The following KMT2C variants were observed in gnomAD, a reference collection of about 807,000 sequenced individuals.
KMT2C encodes lysine methyltransferase 2C, also known as histone-lysine N-methyltransferase 2C.
A neutral mutation model predicts 507.9 loss-of-function variants in KMT2C; 88 were observed. The ratio of observed to expected loss-of-function variants is 0.17; its 90% CI spans 0.15 to 0.21. The LOEUF is 0.21. Ranked by LOEUF, KMT2C falls within the 10% of genes least tolerant of loss-of-function variation. The probability of loss-of-function intolerance (pLI) is 1.00; values close to 1 mark genes in which losing one functional copy is unlikely to be tolerated. For missense variants in KMT2C, 4,954 were observed against 5,957.8 expected (o/e 0.83, Z 5.55); for synonymous variants, 2,049 against 2,080.8 (o/e 0.98, Z 0.42).
intron 53 of KMT2C, among the ~76,000 whole-genome samples, chr7:152,145,711 A>G (rs2091040236): frequency 6.6e-6 from 1 of 152,220 alleles, no homozygotes; most frequent in African/African-American, 2.4e-5. Flanking sequence ...TACAATTAAA[A>G]ACAGTTAAAA....
intron 23 of KMT2C, among the ~76,000 whole-genome samples, chr7:152,211,503 G>C (rs1019391205): frequency 2.6e-5 from 4 of 152,178 alleles, no homozygotes; most frequent in African/African-American, 9.7e-5. Context: ...ATGGTTTGTG[G>C]CCAAGGATAA....
At chr7:152,430,612 C>T (rs938117413) in intron 1 of KMT2C, among the ~76,000 whole-genome samples, 7 of 152,198 alleles carry the variant, frequency 4.6e-5, no homozygotes, top group African/African-American at 1.7e-4. Context: ...TCACTGCAGC[C>T]TCAACCTCCA....
At chr7:152,239,457 G>C (rs1477961161) in intron 14 of KMT2C, among the ~76,000 whole-genome samples, 1 of 152,102 alleles carries the variant, frequency 6.6e-6, no homozygotes, top group Non-Finnish European at 1.5e-5. Context: ...TTTTACTTAG[G>C]GAAATGAATA....
At chr7:152,265,268 A>C (rs1487679471) in intron 7 of KMT2C, 59 bp from the exon 8 acceptor site, 1 of 1,593,966 alleles carries the variant, frequency 6.3e-7, no homozygotes, top group Non-Finnish European at 8.6e-7. Flanking sequence ...TTTTCTGACT[A>C]TACAGTAAAA....
intron 6 of KMT2C, among the ~76,000 whole-genome samples, chr7:152,305,202 GAAC>G (rs1285587955): frequency 3.9e-5 from 6 of 152,136 alleles, no homozygotes; most frequent in African/African-American, 1.4e-4. Context: ...AGAGGGAGAT[GAAC>G]AATAAGTAAG....
chr7:152,409,313 C>G (rs529151517), intron 1 of KMT2C, among the ~76,000 whole-genome samples: 42 of 152,000 alleles, frequency 2.8e-4, no homozygotes, highest in African/African-American at 1.0e-3. Flanking sequence ...CACCTTAAAA[C>G]AAGTTCTTTG....
chr7:152,365,133 A>G (rs1343458970), intron 1 of KMT2C, among the ~76,000 whole-genome samples: 2 of 152,240 alleles, frequency 1.3e-5, no homozygotes, highest in Non-Finnish European at 1.5e-5. Context: ...AGTAAAAAAC[A>G]TATTTAAAGT....
At chr7:152,399,023 T>A (rs1370705702) in intron 1 of KMT2C, among the ~76,000 whole-genome samples, 3 of 148,252 alleles carry the variant, frequency 2.0e-5, no homozygotes, top group Non-Finnish European at 3.0e-5. Context: ...GGGGTAGGGT[T>A]TCACCATGTT....
intron 26 of KMT2C, among the ~76,000 whole-genome samples, chr7:152,202,165 A>G (rs2094163668): frequency 1.3e-5 from 2 of 152,262 alleles, no homozygotes; most frequent in East Asian, 3.8e-4. Context: ...AGTTGTCTAC[A>G]ATGAAATGAG....
In KMT2C at chr7:152,228,850, T is replaced by C. The variant is rs192279081; in HGVS notation, c.2976+1073A>G. 1.1e-4 allele frequency among the ~76,000 whole-genome samples: 16 copies of C among 152,336 alleles called. 1 individual carries two copies. The highest frequency in any genetic ancestry group is 5.9e-4 in the Admixed American group (9 of 15,306). ...AATTGGCTTTATATACTCTGTGTTT[T>C]TCAGTCACATACCATGAGCAACTAA... is the stretch of plus-strand genomic sequence containing the variant. On this transcript the variant is annotated intron_variant, in intron 18 of 58. Transcript: ENST00000262189.
At position 152,174,231 on chromosome 7, in the gene KMT2C, T is replaced by G. The variant is rs1237156948; in HGVS notation, c.9274A>C (p.Ile3092Leu). 10 of 1,554,126 alleles carry G rather than the reference T, an allele frequency of 6.4e-6. No individual in the cohort carries two copies. The highest frequency in any genetic ancestry group is 8.8e-6 in the Non-Finnish European group (10 of 1,131,522). ...TTGGCTTTCATTATAGGATCTGTAA[T>G]TGCATCAAAATCTAGAAAAGAAATA... is the stretch of plus-strand genomic sequence containing the variant. Reference protein sequence around the residue: ...PFFPNIDFDAITDPIMKAKMV... With the variant: ...PFFPNIDFDALTDPIMKAKMV... The change falls in exon 39 of 59, where the codon ATT (isoleucine) becomes CTT (leucine). Residue 3092 changes from isoleucine to leucine, a missense_variant. Ile to Leu is a conservative substitution (Grantham distance 5, BLOSUM62 2). Coordinates refer to ENST00000262189, the MANE Select transcript of KMT2C (RefSeq NM_170606.3).
chr7:152,178,721 G>A lies in KMT2C; in HGVS notation c.7443-711C>T, dbSNP rs1461269511. On this transcript the variant is annotated intron_variant, in intron 37 of 58. Transcript: ENST00000262189. ...ACACAAAATATAAAATGCAGAAAGA[G>A]GCATAAATTACAACTAAGGTAGAAG... Among the ~76,000 whole-genome samples the A allele has an allele frequency of 2.0e-5, 3 of 151,960 alleles. No homozygotes were observed. The East Asian group carries it at 5.8e-4, about 29-fold the overall frequency.
chr7:152,139,836 T>C (rs767938406), intron 55 of KMT2C, 45 bp from the exon 56 acceptor site: 3 of 1,386,688 alleles, frequency 2.2e-6, no homozygotes, highest in Non-Finnish European at 3.1e-6. Flanking sequence ...TGACAACAAG[T>C]CTTTTTTCTG....
At chr7:152,269,726 G>A (rs2095925320) in intron 7 of KMT2C, among the ~76,000 whole-genome samples, 1 of 152,150 alleles carries the variant, frequency 6.6e-6, no homozygotes, top group Admixed American at 6.5e-5. Flanking sequence ...ATGAGTATTT[G>A]AGTATACACA....
Position 152,222,658 on chromosome 7 carries a change from G to A in KMT2C, c.3348C>T (p.Asn1116=), listed in dbSNP as rs2094811048. ...CDRWMHAVCQ[N]LNTEEEVENV... Reference sequence around the variant, plus strand: ...TTTCCACTTCTTCCTCAGTATTTAAGTTCTGACAAACTGCATGCATCCATC... The same window carrying A: ...TTTCCACTTCTTCCTCAGTATTTAAATTCTGACAAACTGCATGCATCCATC... Residue 1116 remains asparagine (N), a synonymous_variant, in exon 21 of 59, where the codon AAC becomes AAT. Coordinates refer to ENST00000262189, the MANE Select transcript of KMT2C (RefSeq NM_170606.3). 3 of 1,608,086 alleles carry A rather than the reference G, an allele frequency of 1.9e-6. No individual in the cohort carries two copies. Among genetic ancestry groups the A allele is most frequent in the South Asian group, 1.1e-5 (1 of 90,888 alleles).
At chr7:152,340,378 C>T (rs946311307) in intron 2 of KMT2C, among the ~76,000 whole-genome samples, 8 of 152,068 alleles carry the variant, frequency 5.3e-5, no homozygotes, top group African/African-American at 1.9e-4. Flanking sequence ...ACTAAAACTA[C>T]AGAAGAAAAC....
chr7:152,165,300 T>C (rs1056873942), intron 42 of KMT2C, among the ~76,000 whole-genome samples: 4 of 152,218 alleles, frequency 2.6e-5, no homozygotes, highest in African/African-American at 7.2e-5. Flanking sequence ...TTGGCAACTA[T>C]GTAATAGATG....
chr7:152,379,866 T>C (rs2097357133), intron 1 of KMT2C, among the ~76,000 whole-genome samples: 2 of 152,288 alleles, frequency 1.3e-5, no homozygotes, highest in Non-Finnish European at 2.9e-5. Context: ...GAGGCTGTAA[T>C]GGGAGGATCA....
In KMT2C at chr7:152,182,357, G is replaced by C. The variant is rs763995920; in HGVS notation, c.5503C>G (p.Pro1835Ala). 1.9e-6 allele frequency: 3 copies of C among 1,613,542 alleles called. 1 individual carries two copies. The highest frequency in any genetic ancestry group is 2.5e-6 in the Non-Finnish European group (3 of 1,179,792). ...GAAGATGTAGACGTAGGGGTACTGG[G>C]TGGCTGTTTTGTAAACAGTTCTTTA... The part of the protein sequence containing the change: ...FHKELFTKQP[P>A]STPTSTSSDD... Residue 1835 changes from proline to alanine, a missense_variant, in exon 36 of 59, where the codon CCC (proline) becomes GCC (alanine). Around this residue, in one of 29 missense-constraint regions of KMT2C, gnomAD observed 1,689 missense variants for 1,654.3 expected, o/e 1.02. Transcript: ENST00000262189.
Sources: gnomAD v4.1 joint callset for allele counts (sites outside exome capture counted in the v4.1 genomes callset) on GRCh38, gnomAD v4.1.1 for gene constraint, gnomAD v4.1.1 regional missense constraint, MANE v1.5 for transcripts, NCBI Gene and HGNC (gene_info 2026-07-23, HGNC 2026-07-21) for gene names.